Variants in LUZP2 observed in about 807,000 individuals in gnomAD.
LUZP2 encodes leucine zipper protein 2.
Under a neutral mutation model 51.6 loss-of-function variants are expected in LUZP2, and 52 were observed. The ratio of observed to expected loss-of-function variants is 1.01; its 90% confidence interval spans 0.81 to 1.27. The LOEUF is 1.27. Among genes scored for constraint, LUZP2 ranks in the 50% most tolerant of loss-of-function variants. LUZP2 has a pLI of 0.00. For missense variants in LUZP2, 436 were observed against 395.4 expected, an observed-to-expected ratio of 1.10 and a Z score of -0.87; for synonymous variants, 154 against 137.3, an observed-to-expected ratio of 1.12 and a Z score of -0.85.
intron 1 of LUZP2, among the ~76,000 whole-genome samples, chr11:24,544,754 C>A (rs1851487277): frequency 1.3e-5 from 2 of 151,850 alleles, no homozygotes; most frequent in South Asian, 4.1e-4. Context: ...TATTTGCCTG[C>A]ATGTGTCTTT....
rs549602890 is a variant in LUZP2, at chr11:25,058,696, C to T, written c.858+8566C>T. ...GGTTCAGAGAGGGAAGGTGACTTGC[C>T]CAGAGGCACCTGCTTGGGGGACATT... On this transcript the variant is annotated intron_variant, in intron 10 of 11. Coordinates refer to ENST00000336930, the MANE Select transcript of LUZP2 (RefSeq NM_001009909.4). 5.3e-5 allele frequency among the ~76,000 whole-genome samples: 8 copies of T among 152,186 alleles called. No homozygotes were observed. The East Asian group carries it at 1.5e-3, about 29-fold the overall frequency.
intron 1 of LUZP2, among the ~76,000 whole-genome samples, chr11:24,508,451 G>A (rs1292992381): frequency 6.6e-6 from 1 of 152,042 alleles, no homozygotes; most frequent in African/African-American, 2.4e-5. Context: ...TTGTTTTTGT[G>A]GTAAAAGAAA....
intron 1 of LUZP2, among the ~76,000 whole-genome samples, chr11:24,499,959 C>G (rs1218380446): frequency 6.6e-6 from 1 of 152,138 alleles, no homozygotes; most frequent in Admixed American, 6.5e-5. Flanking sequence ...TAGCCCACAG[C>G]GACTATCCTG....
chr11:24,699,391 A>G (rs990680284), intron 1 of LUZP2, among the ~76,000 whole-genome samples: 2 of 152,136 alleles, frequency 1.3e-5, no homozygotes, highest in Non-Finnish European at 2.9e-5. Context: ...TTTTTCATGA[A>G]CTTTTTGAAG....
chr11:24,880,818 T>C (rs1438967015), intron 5 of LUZP2, among the ~76,000 whole-genome samples: 3 of 152,102 alleles, frequency 2.0e-5, no homozygotes, highest in Non-Finnish European at 2.9e-5. Flanking sequence ...TACCCAATGC[T>C]AGACACCTAT....
At chr11:24,746,457 G>T (rs1859384080) in intron 4 of LUZP2, among the ~76,000 whole-genome samples, 1 of 152,100 alleles carries the variant, frequency 6.6e-6, no homozygotes, top group South Asian at 2.1e-4. Flanking sequence ...TAGGTTTCCT[G>T]GTGCTTTTGT....
In LUZP2 at chr11:24,915,519, C is replaced by A. The variant is rs181165960; in HGVS notation, c.522+981C>A. On this transcript the variant is annotated intron_variant, in intron 7 of 11. Coordinates refer to ENST00000336930, the MANE Select transcript of LUZP2 (RefSeq NM_001009909.4). Reference sequence around the variant, plus strand: ...GATTCTCCAAACTAGGTTATGCATCCATGCAAAGGTAAAACCTTAGCATTT... The same window carrying A: ...GATTCTCCAAACTAGGTTATGCATCAATGCAAAGGTAAAACCTTAGCATTT... Among the ~76,000 whole-genome samples, 310 of 152,154 alleles carry A rather than the reference C, an allele frequency of 2.0e-3. 1 individual carries two copies. Among genetic ancestry groups the A allele is most frequent in the Non-Finnish European group, 2.2e-3 (150 of 67,984 alleles).
intron 1 of LUZP2, among the ~76,000 whole-genome samples, chr11:24,691,325 T>C (rs952934211): frequency 2.6e-5 from 4 of 152,032 alleles, no homozygotes; most frequent in African/African-American, 9.7e-5. Flanking sequence ...TCTAAGCTAA[T>C]ACTAATAGCA....
intron 5 of LUZP2, among the ~76,000 whole-genome samples, chr11:24,852,223 G>C (rs539908507): frequency 1.3e-5 from 2 of 152,036 alleles, no homozygotes; most frequent in South Asian, 4.2e-4. Flanking sequence ...GCCCTTTCTC[G>C]CTTTCTCCTG....
chr11:24,759,804 G>A (rs1039019418), intron 4 of LUZP2, among the ~76,000 whole-genome samples: 1 of 152,146 alleles, frequency 6.6e-6, no homozygotes, highest in African/African-American at 2.4e-5. Context: ...AATGGGGTTA[G>A]GTTCTACTTG....
At chr11:25,035,129 G>A (rs7941253) in intron 9 of LUZP2, among the ~76,000 whole-genome samples, 71,855 of 151,878 alleles carry the variant, frequency 0.47, 17,486 homozygotes, top group Non-Finnish European at 0.51. Context: ...CTGGAACAAC[G>A]CAAGGATGCT....
chr11:24,689,965 A>T (rs1413162035), intron 1 of LUZP2, among the ~76,000 whole-genome samples: 1 of 152,140 alleles, frequency 6.6e-6, no homozygotes, highest in Non-Finnish European at 1.5e-5. Flanking sequence ...CTTAGAGAAT[A>T]TCTAAGAATG....
At chr11:24,899,089 A>G (rs1295139473) in intron 5 of LUZP2, among the ~76,000 whole-genome samples, 1 of 152,172 alleles carries the variant, frequency 6.6e-6, no homozygotes, top group Non-Finnish European at 1.5e-5. Context: ...TCAAATTTTC[A>G]TACGTTGGAT....
chr11:24,693,977 A>T (rs1018784210), intron 1 of LUZP2, among the ~76,000 whole-genome samples: 3 of 152,112 alleles, frequency 2.0e-5, no homozygotes, highest in African/African-American at 7.2e-5. Context: ...GAGGAAAAAG[A>T]GATGCTTTCA....
At chr11:24,638,974 C>T (rs1855193109) in intron 1 of LUZP2, among the ~76,000 whole-genome samples, 1 of 151,396 alleles carries the variant, frequency 6.6e-6, no homozygotes, top group Non-Finnish European at 1.5e-5. Flanking sequence ...ACACCAAATG[C>T]CACAAGGAAA....
chr11:24,499,591 A>G (rs922692334), intron 1 of LUZP2, among the ~76,000 whole-genome samples: 1 of 152,172 alleles, frequency 6.6e-6, no homozygotes, highest in Non-Finnish European at 1.5e-5. Context: ...TTAGTTTCTT[A>G]GTCAGTAGTC....
chr11:24,661,070 C>G (rs1269744636), intron 1 of LUZP2, among the ~76,000 whole-genome samples: 1 of 152,042 alleles, frequency 6.6e-6, no homozygotes, highest in Non-Finnish European at 1.5e-5. Context: ...AAGTATATGA[C>G]CTTTAGAGAT....
intron 11 of LUZP2, among the ~76,000 whole-genome samples, chr11:25,078,239 T>A (rs1305670339): frequency 6.6e-6 from 1 of 152,230 alleles, no homozygotes; most frequent in African/African-American, 2.4e-5. Flanking sequence ...TTTCACTTAA[T>A]ACTAAAACGT....
intron 1 of LUZP2, among the ~76,000 whole-genome samples, chr11:24,659,801 T>A (rs1855954895): frequency 6.6e-6 from 1 of 152,156 alleles, no homozygotes; most frequent in African/African-American, 2.4e-5. Context: ...GGAAGGATTA[T>A]AACATGGTCC....
Sources: allele counts gnomAD v4.1 joint callset (sites outside exome capture counted in the v4.1 genomes callset), GRCh38; gene constraint gnomAD v4.1.1; transcripts MANE v1.5; gene names NCBI Gene and HGNC (gene_info 2026-07-23, HGNC 2026-07-21).